The following C2CD5 variants were observed in gnomAD, a reference collection of about 807,000 sequenced individuals.
The protein encoded by C2CD5 is C2 domain-containing protein 5.
C2CD5 carries 109 observed loss-of-function variants against 130.3 expected under a neutral mutation model. That is an observed-to-expected ratio of 0.84 (90% CI 0.72 to 0.98). C2CD5 has a LOEUF of 0.98. C2CD5 is among the 50% of genes least tolerant of loss of function. C2CD5 has a pLI of 0.00. For missense variants in C2CD5, 996 were observed against 1,261.8 expected (o/e 0.79, Z 3.19); for synonymous variants, 454 against 429.2 (o/e 1.06, Z -0.71).
intron 6 of C2CD5, among the ~76,000 whole-genome samples, chr12:22,523,919 G>A (rs1950503905): frequency 6.6e-6 from 1 of 151,752 alleles, no homozygotes; most frequent in South Asian, 2.1e-4. Context: ...TGAAATACAT[G>A]TATGAATATA....
At chr12:22,517,489 G>T (rs1326290878) in intron 8 of C2CD5, among the ~76,000 whole-genome samples, 2 of 151,896 alleles carry the variant, frequency 1.3e-5, no homozygotes, top group Non-Finnish European at 2.9e-5. Context: ...TTCTAACCTA[G>T]AAAGACTAGT....
At chr12:22,486,300 G>A (rs1452653215) in intron 12 of C2CD5, among the ~76,000 whole-genome samples, 1 of 151,946 alleles carries the variant, frequency 6.6e-6, no homozygotes, top group African/African-American at 2.4e-5. Flanking sequence ...CACTGCTCTC[G>A]TATCGTTGGT....
chr12:22,479,182 T>C (rs1259382396), intron 14 of C2CD5, among the ~76,000 whole-genome samples: 1 of 152,026 alleles, frequency 6.6e-6, no homozygotes, highest in Non-Finnish European at 1.5e-5. Flanking sequence ...CAAGCGATTC[T>C]TCTGCCTCAG....
At chr12:22,467,861 T>C (rs1414470734) in intron 22 of C2CD5, among the ~76,000 whole-genome samples, 2 of 152,202 alleles carry the variant, frequency 1.3e-5, no homozygotes, top group African/African-American at 2.4e-5. Flanking sequence ...CCAGTTATAA[T>C]TCCTTTGAAA....
intron 10 of C2CD5, among the ~76,000 whole-genome samples, chr12:22,501,013 T>C (rs1306649325): frequency 6.6e-6 from 1 of 152,194 alleles, no homozygotes; most frequent in African/African-American, 2.4e-5. Context: ...AATTTACAGA[T>C]AAGAATACAT....
intron 8 of C2CD5, among the ~76,000 whole-genome samples, chr12:22,516,878 C>T (rs1470180689): frequency 6.6e-6 from 1 of 151,684 alleles, no homozygotes; most frequent in African/African-American, 2.4e-5. Context: ...TCGTAAGGTG[C>T]CAAATTCCAA....
At chr12:22,505,074 AGGG>A (rs1444314781) in intron 10 of C2CD5, among the ~76,000 whole-genome samples, 2 of 152,162 alleles carry the variant, frequency 1.3e-5, no homozygotes, top group African/African-American at 2.4e-5. Context: ...AATCTCATTC[AGGG>A]TCCAGAGAAT....
chr12:22,539,045 T>C (rs1307188245), intron 2 of C2CD5, among the ~76,000 whole-genome samples: 1 of 152,192 alleles, frequency 6.6e-6, no homozygotes, highest in Non-Finnish European at 1.5e-5. Flanking sequence ...TTTTAAGTAC[T>C]AAAACTACTT....
chr12:22,469,887 C>T, intron 21 of C2CD5, 92 bp from the exon 22 acceptor site: 2 of 662,266 alleles, frequency 3.0e-6, no homozygotes, highest in East Asian at 3.3e-5. Context: ...TATACATATT[C>T]TCAGCTCCAT....
Position 22,509,169 on chromosome 12 carries a change from C to G in C2CD5, c.1039-2350G>C, listed in dbSNP as rs569966139. On this transcript the variant is annotated intron_variant, in intron 9 of 26. Transcript: ENST00000446597. ...CTGGGATTACAGGCGTGAGCCACCGCGCCCAGCCTTAAATCTTTTAAATAT... is the reference window on the plus strand; with the variant it reads ...CTGGGATTACAGGCGTGAGCCACCGGGCCCAGCCTTAAATCTTTTAAATAT... Among the ~76,000 whole-genome samples the G allele has an allele frequency of 2.4e-4, 36 of 152,246 alleles. No individual in the cohort carries two copies. The South Asian group carries it at 7.3e-3, about 31-fold the overall frequency.
rs572119119 is a variant in C2CD5, at chr12:22,518,096, G to A, written c.842C>T (p.Ser281Leu). 6.2e-7 allele frequency: 1 copy of A among 1,613,572 alleles called. No homozygotes were observed. Among genetic ancestry groups the A allele is most frequent in the South Asian group, 1.1e-5 (1 of 91,070 alleles). Reference sequence around the variant, plus strand: ...GTTTTTCAGAGGGGTTGAGGGTCCTGATGAGTGAGTATTGGGATTGGGATC... The same window carrying A: ...GTTTTTCAGAGGGGTTGAGGGTCCTAATGAGTGAGTATTGGGATTGGGATC... ...NEDPNPNTHSSGPSTPLKNQT... is the reference protein window; with the variant it reads ...NEDPNPNTHSLGPSTPLKNQT... The change falls in exon 8 of 27, where the codon TCA becomes TTA. Residue 281 changes from serine (S) to leucine (L), a missense_variant. This residue lies in a region of C2CD5 where 156 missense variants were observed against 165.9 expected (regional missense o/e 0.94). Coordinates refer to ENST00000446597, the MANE Select transcript of C2CD5 (RefSeq NM_001286176.2).
chr12:22,453,857 C>T (rs749348763), intron 26 of C2CD5, 39 bp downstream of exon 26: 11 of 1,596,742 alleles, frequency 6.9e-6, no homozygotes, highest in Non-Finnish European at 4.3e-6. Context: ...AAGAAATTCT[C>T]AGGTTCCCGC....
chr12:22,540,424 G>A (rs921725512), intron 2 of C2CD5, among the ~76,000 whole-genome samples: 5 of 152,148 alleles, frequency 3.3e-5, no homozygotes, highest in African/African-American at 4.8e-5. Flanking sequence ...TGTAAGTTCC[G>A]TGAATGAAGT....
intron 12 of C2CD5, among the ~76,000 whole-genome samples, chr12:22,487,532 CATTAAAAAGTCAGGAA>C (rs1945704925): frequency 1.3e-5 from 2 of 152,206 alleles, no homozygotes; most frequent in African/African-American, 4.8e-5. Context: ...GAATGGTGAT[CATTAAAAAGTCAGGAA>C]ACAACAGGTG....
intron 26 of C2CD5, 34 bp downstream of exon 26, chr12:22,453,862 T>G: frequency 6.2e-7 from 1 of 1,603,024 alleles, no homozygotes. Flanking sequence ...ATTCTCAGGT[T>G]CCCGCCAATC....
chr12:22,462,646 T>C (rs1941377351), intron 22 of C2CD5, among the ~76,000 whole-genome samples: 1 of 152,222 alleles, frequency 6.6e-6, no homozygotes, highest in South Asian at 2.1e-4. Context: ...CATTCTCCAG[T>C]ACGTCTAAAG....
chr12:22,530,111 T>TATATAA, intron 3 of C2CD5, among the ~76,000 whole-genome samples: 1 of 87,552 alleles, frequency 1.1e-5, no homozygotes, highest in African/African-American at 6.3e-5. Context: ...TATATATATA[T>TATATAA]ACACACACAC....
intron 12 of C2CD5, 51 bp downstream of exon 12, chr12:22,490,072 A>G: frequency 7.3e-7 from 1 of 1,367,742 alleles, no homozygotes; most frequent in Non-Finnish European, 1.0e-6. Flanking sequence ...AAAAAAGTCG[A>G]CCTCTCCCTT....
At position 22,544,182 on chromosome 12, in the gene C2CD5, G is replaced by A. The variant is rs1217514634; in HGVS notation, c.-29-3C>T. On this transcript the variant is annotated splice_polypyrimidine_tract_variant and splice_region_variant and intron_variant, in intron 1 of 26. Coordinates refer to ENST00000446597, the MANE Select transcript of C2CD5 (RefSeq NM_001286176.2). ...GGTTTCGGCCTCTTCTTGGGCTCCT[G>A]CAGAAACAAACAAACGAGTCTGCGC... 3 of 1,603,488 alleles carry A rather than the reference G, an allele frequency of 1.9e-6. No homozygotes were observed. The highest frequency in any genetic ancestry group is 2.6e-6 in the Non-Finnish European group (3 of 1,170,598).
Sources: gnomAD v4.1 joint callset for allele counts (sites outside exome capture counted in the v4.1 genomes callset) on GRCh38, gnomAD v4.1.1 for gene constraint, gnomAD v4.1.1 regional missense constraint, MANE v1.5 for transcripts, NCBI Gene and HGNC (gene_info 2026-07-23, HGNC 2026-07-21) for gene names.